ZNF146: variants seen among roughly 807,000 people sequenced by gnomAD.
ZNF146 encodes zinc finger protein 146, also known as zinc finger protein OZF.
A neutral mutation model predicts 22.2 loss-of-function variants in ZNF146; 9 were observed. That is an observed-to-expected ratio of 0.41 (90% CI 0.24 to 0.71). The LOEUF is 0.71. Among genes scored for constraint, ZNF146 ranks in the 30% least tolerant of loss-of-function variants. The pLI, the probability that ZNF146 is intolerant of heterozygous loss-of-function variation, is 0.34. For missense variants in ZNF146, 194 were observed against 344.8 expected (o/e 0.56, Z 3.46); for synonymous variants, 108 against 119.2 (o/e 0.91, Z 0.61).
At position 36,236,413 on chromosome 19, in the gene ZNF146, T is replaced by A; in HGVS notation, c.-28T>A. 1.3e-6 allele frequency: 2 copies of A among 1,563,218 alleles called. No homozygotes were observed. Among genetic ancestry groups the A allele is most frequent in the Non-Finnish European group, 1.7e-6 (2 of 1,158,530 alleles). On this transcript the variant is annotated 5_prime_UTR_variant, in exon 4 of 4. The change creates a new upstream start codon in the 5' untranslated region. Transcript: ENST00000443387. ...AAGAAATTTTTACTGGAGAGAAACC[T>A]TGTGAATGTGGGAAAGCTTCCATTC...
rs530549880 is a variant in ZNF146, at chr19:36,220,106, C to T, written c.-855+1911C>T. 1.1e-4 allele frequency among the ~76,000 whole-genome samples: 17 copies of T among 152,276 alleles called. No homozygotes were observed. In the South Asian group the frequency reaches 1.2e-3, roughly 11 times the overall value. On this transcript the variant is annotated intron_variant, in intron 2 of 3. Coordinates refer to ENST00000443387, the MANE Select transcript of ZNF146 (RefSeq NM_007145.3). ...TCCTGCACTGCAGGCTTGTATCTTC[C>T]TCCCAGACTTGGAATTGACCATTTC...
At chr19:36,221,696 C>T (rs941284904) in intron 2 of ZNF146, among the ~76,000 whole-genome samples, 1 of 152,058 alleles carries the variant, frequency 6.6e-6, no homozygotes, top group African/African-American at 2.4e-5. Flanking sequence ...TGCTCCCTTC[C>T]CCCAGTCACA....
In ZNF146 at chr19:36,236,899, G is replaced by A; in HGVS notation, c.459G>A (p.Glu153=). ...AGCATGAGAAAATCCATATTGGAGA[G>A]AAGCCTTTTAAATGTAGTGAATGTG... ...LTEHEKIHIG[E]KPFKCSECGT... is the part of the protein sequence containing the mutation. The change falls in exon 4 of 4, where the codon GAG becomes GAA. Residue 153 remains glutamate, a synonymous_variant. Coordinates refer to ENST00000443387, the MANE Select transcript of ZNF146 (RefSeq NM_007145.3). 6.2e-7 allele frequency: 1 copy of A among 1,614,142 alleles called. No homozygotes were observed. Among genetic ancestry groups the A allele is most frequent in the South Asian group, 1.1e-5 (1 of 91,070 alleles).
intron 1 of ZNF146, among the ~76,000 whole-genome samples, chr19:36,215,489 T>C (rs952018392): frequency 1.3e-5 from 2 of 152,122 alleles, no homozygotes; most frequent in Non-Finnish European, 2.9e-5. Flanking sequence ...ACGTTTGAGC[T>C]GCACTTCCCT....
Position 36,236,538 on chromosome 19 carries a change from A to C in ZNF146, c.98A>C (p.Glu33Ala), listed in dbSNP as rs1977651020. 4 of 1,614,214 alleles carry C rather than the reference A, an allele frequency of 2.5e-6. No homozygotes were observed. The highest frequency in any genetic ancestry group is 3.4e-6 in the Non-Finnish European group (4 of 1,180,034). Residue 33 changes from glutamate to alanine, a missense_variant, in exon 4 of 4, where the codon GAG (glutamate) becomes GCG (alanine). Around this residue, in one of 2 missense-constraint regions of ZNF146, gnomAD observed 47 missense variants for 44.7 expected, o/e 1.05. Coordinates refer to ENST00000443387, the MANE Select transcript of ZNF146 (RefSeq NM_007145.3). ...TTCAGCCACAAATCAAACCTCACTG[A>C]GCATGAGCATTTTCACACGAGAGAG... ...KVFSHKSNLT[E>A]HEHFHTREKP...
chr19:36,225,627 AT>A (rs924093366), intron 2 of ZNF146, among the ~76,000 whole-genome samples: 197 of 137,982 alleles, frequency 1.4e-3, no homozygotes, highest in African/African-American at 5.2e-3. Flanking sequence ...GTTTTTTTGT[AT>A]TTTTTTTTAG....
intron 3 of ZNF146, among the ~76,000 whole-genome samples, chr19:36,231,244 CTG>C (rs1977354374): frequency 6.6e-6 from 1 of 152,130 alleles, no homozygotes. Flanking sequence ...TAGTTTCACT[CTG>C]TTGTCCAGGT....
Position 36,236,664 on chromosome 19 carries a change from A to G in ZNF146, c.224A>G (p.Asn75Ser). The G allele has an allele frequency of 6.2e-7, 1 of 1,614,202 alleles. No homozygotes were observed. The highest frequency in any genetic ancestry group is 8.5e-7 in the Non-Finnish European group (1 of 1,180,034). Reference protein sequence around the residue: ...THTGEKLFECNECGKSFSQKE... With the variant: ...THTGEKLFECSECGKSFSQKE... ...ACTGGCGAGAAGCTTTTCGAATGTA[A>G]TGAATGTGGAAAATCATTTAGCCAG... The change falls in exon 4 of 4, where the codon AAT (asparagine) becomes AGT (serine). Residue 75 changes from asparagine to serine, a missense_variant. By Grantham distance (46) the Asn-to-Ser change is conservative. Transcript: ENST00000443387.
intron 3 of ZNF146, among the ~76,000 whole-genome samples, chr19:36,232,631 CAT>C (rs1379743418): frequency 1.4e-5 from 2 of 142,614 alleles, no homozygotes; most frequent in Non-Finnish European, 3.0e-5. Flanking sequence ...TTTCCCGAGA[CAT>C]AGTCTCCCTC....
In ZNF146 at chr19:36,218,825, G is replaced by T. The variant is rs146457452; in HGVS notation, c.-855+630G>T. ...AAATTTTCTTTTTTTTTGGTGGAGG[G>T]GGGGACAGAGTCTCGGTTTGTCGCC... On this transcript the variant is annotated intron_variant, in intron 2 of 3. Coordinates refer to ENST00000443387, the MANE Select transcript of ZNF146 (RefSeq NM_007145.3). Among the ~76,000 whole-genome samples the T allele has an allele frequency of 9.8e-3, 1,405 of 142,928 alleles. 20 individuals carry two copies. Among genetic ancestry groups the T allele is most frequent in the African/African-American group, 0.033 (1,289 of 38,626 alleles). 93.8% of individuals were successfully genotyped at this position (142,928 alleles called of 152,430 possible).
intron 2 of ZNF146, among the ~76,000 whole-genome samples, chr19:36,221,927 C>CTTTTTTTTTTTTTTTTTTTT (rs60347994): frequency 9.1e-6 from 1 of 109,914 alleles, no homozygotes; most frequent in African/African-American, 3.5e-5. Context: ...TTTTTTCTTT[C>CTTTTTTTTTTTTTTTTTTTT]TTTTTTTTTT....
intron 2 of ZNF146, among the ~76,000 whole-genome samples, chr19:36,220,637 A>G (rs1599959447): frequency 1.3e-5 from 2 of 152,262 alleles, no homozygotes; most frequent in South Asian, 4.1e-4. Context: ...AAGCGCTGGG[A>G]TTACAGGCGT....
chr19:36,221,284 CTTTTTTTTTT>C (rs74172797), intron 2 of ZNF146, among the ~76,000 whole-genome samples: 1 of 98,700 alleles, frequency 1.0e-5, no homozygotes. Context: ...TAAGGGACTG[CTTTTTTTTTT>C]TTTTTTTTTT....
chr19:36,227,282 G>T (rs540078064), intron 2 of ZNF146, among the ~76,000 whole-genome samples: 2 of 151,080 alleles, frequency 1.3e-5, no homozygotes, highest in Admixed American at 1.3e-4. Flanking sequence ...CCAGCTACTC[G>T]GGAGGCTGAG....
intron 3 of ZNF146, among the ~76,000 whole-genome samples, chr19:36,233,858 C>T (rs1257260692): frequency 6.6e-6 from 1 of 152,188 alleles, no homozygotes; most frequent in Non-Finnish European, 1.5e-5. Context: ...TTCCTCTTAT[C>T]TCAACTGCAA....
intron 2 of ZNF146, among the ~76,000 whole-genome samples, chr19:36,218,729 A>C (rs1009297391): frequency 2.0e-5 from 3 of 152,152 alleles, no homozygotes; most frequent in East Asian, 1.9e-4. Flanking sequence ...TCAGCCTCCC[A>C]AAGTCCTGGC....
intron 2 of ZNF146, among the ~76,000 whole-genome samples, chr19:36,220,869 T>G (rs1976805750): frequency 7.0e-6 from 1 of 142,090 alleles, no homozygotes. Context: ...TTTTTTTTTT[T>G]GAGATGTTGT....
chr19:36,234,717 AGCTGC>A (rs1977571253), intron 3 of ZNF146, among the ~76,000 whole-genome samples: 1 of 152,148 alleles, frequency 6.6e-6, no homozygotes, highest in African/African-American at 2.4e-5. Context: ...TTTTGTCTTC[AGCTGC>A]AGAATGGTGC....
chr19:36,232,020 T>C (rs1175563441), intron 3 of ZNF146, among the ~76,000 whole-genome samples: 3 of 151,884 alleles, frequency 2.0e-5, no homozygotes, highest in Non-Finnish European at 2.9e-5. Context: ...CTGGCCAACA[T>C]GGTAAAACCC....
Sources: gnomAD v4.1 joint callset for allele counts (sites outside exome capture counted in the v4.1 genomes callset) on GRCh38, gnomAD v4.1.1 for gene constraint, gnomAD v4.1.1 regional missense constraint, MANE v1.5 for transcripts, NCBI Gene and HGNC (gene_info 2026-07-23, HGNC 2026-07-21) for gene names.